STRBP: variants seen among roughly 807,000 people sequenced by gnomAD.
STRBP encodes spermatid perinuclear RNA-binding protein.
STRBP carries 13 observed loss-of-function variants against 80.1 expected under a neutral mutation model. That is an observed-to-expected ratio of 0.16 (90% CI 0.11 to 0.26). The LOEUF (loss-of-function observed/expected upper bound fraction) is 0.26, where lower values mean the gene tolerates loss of function less well. Ranked by LOEUF, STRBP falls within the 10% of genes least tolerant of loss-of-function variation. STRBP has a pLI of 1.00. For missense variants in STRBP, 485 were observed against 815.2 expected (o/e 0.59, Z 4.93); for synonymous variants, 284 against 291.2 (o/e 0.98, Z 0.25).
intron 2 of STRBP, among the ~76,000 whole-genome samples, chr9:123,185,831 G>A (rs1278610242): frequency 6.6e-6 from 1 of 152,032 alleles, no homozygotes; most frequent in African/African-American, 2.4e-5. Flanking sequence ...TGGCTAACAT[G>A]GTGAAACTAA....
At chr9:123,232,259 C>T (rs887467289) in intron 2 of STRBP, among the ~76,000 whole-genome samples, 8 of 152,168 alleles carry the variant, frequency 5.3e-5, no homozygotes, top group East Asian at 3.9e-4. Context: ...TGCAGTGAGC[C>T]GAAATCACAC....
At chr9:123,171,905 T>C (rs1372718656) in intron 5 of STRBP, among the ~76,000 whole-genome samples, 2 of 152,186 alleles carry the variant, frequency 1.3e-5, no homozygotes, top group Non-Finnish European at 2.9e-5. Context: ...GTAACCCCCT[T>C]GAATACTTGC....
intron 7 of STRBP, 113 bp from the exon 8 acceptor site, chr9:123,160,575 C>CA (rs11437080): frequency 0.99 from 547,096 of 553,702 alleles, 270,595 homozygotes; most frequent in East Asian, 1. Context: ...ATCAGGCAAA[C>CA]AAAAAAATCA....
chr9:123,171,372 G>C (rs1449447664), intron 5 of STRBP, among the ~76,000 whole-genome samples: 1 of 152,146 alleles, frequency 6.6e-6, no homozygotes, highest in East Asian at 1.9e-4. Flanking sequence ...TTAGATAACT[G>C]AAAGTTTTGC....
intron 2 of STRBP, among the ~76,000 whole-genome samples, chr9:123,200,734 A>ATTTCTTTTTTTTTTTTTTTTT: frequency 2.7e-5 from 1 of 37,512 alleles, no homozygotes; most frequent in Non-Finnish European, 4.2e-5. Flanking sequence ...CACCCCGCTA[A>ATTTCTTTTTTTTTTTTTTTTT]TTTTTTTTTT....
chr9:123,139,645 T>C lies in STRBP; in HGVS notation c.1381A>G (p.Ile461Val), dbSNP rs1304920547. The C allele has an allele frequency of 6.2e-6, 10 of 1,612,734 alleles. No homozygotes were observed. Among genetic ancestry groups the C allele is most frequent in the East Asian group, 2.2e-5 (1 of 44,796 alleles). ...MGYPTGFDAD[I>V]ECMSSDEKSD... is the part of the protein sequence containing the mutation. The stretch of plus-strand genomic sequence containing the variant: ...TTTTCATCGGAACTCATACATTCAA[T>C]ATCTGCATCAAAGCCTGTTGGATAT... Residue 461 changes from isoleucine to valine, a missense_variant, in exon 14 of 19, where the codon ATT becomes GTT. Physicochemically the swap from Ile to Val is conservative, Grantham distance 29 (BLOSUM62 3). Coordinates refer to ENST00000348403, the MANE Select transcript of STRBP (RefSeq NM_018387.5).
chr9:123,123,517 A>G lies in STRBP; in HGVS notation c.*2080T>C. On this transcript the variant is annotated 3_prime_UTR_variant, in exon 19 of 19. Transcript: ENST00000348403. ...GTTTACAACATGGTTAGTAACTTCC[A>G]ACAAACAACAAAATTAAAAAAAAAA... 6 of 940,602 alleles carry G rather than the reference A, an allele frequency of 6.4e-6. No homozygotes were observed. Among genetic ancestry groups the G allele is most frequent in the Non-Finnish European group, 7.4e-6 (6 of 814,246 alleles). 58.3% of individuals were successfully genotyped at this position (940,602 alleles called of 1,614,324 possible). A position where few individuals can be genotyped will look rare whatever the true frequency, so the allele number is the denominator to read the frequency against.
In STRBP at chr9:123,114,753, T is replaced by C. The variant is rs1048604448; in HGVS notation, c.*84+1176A>G. 1.5e-5 allele frequency: 3 copies of C among 203,852 alleles called. No homozygotes were observed. The South Asian group carries it at 3.6e-4, about 25-fold the overall frequency. The allele number at this position is 203,852 out of a possible 1,614,324, so 12.6% of individuals were successfully genotyped here. A position where few individuals can be genotyped will look rare whatever the true frequency, so the allele number is the denominator to read the frequency against. ...GTCAGAAACACCATTGTTCCCTCTA[T>C]TGCCCACTGAGCAGTGGTCCAGGAG... On this transcript the variant is annotated intron_variant and NMD_transcript_variant, in intron 3 of 3. Transcript: ENST00000471564.
rs1316814908 is a variant in STRBP at position 123,123,404 on chromosome 9, T to C, written c.*2193A>G. The C allele has an allele frequency of 7.1e-6, 7 of 985,264 alleles. No individual in the cohort carries two copies. In the East Asian group the frequency reaches 3.4e-4, roughly 48 times the overall value. The allele number at this position is 985,264 out of a possible 1,614,324, so 61.0% of individuals were successfully genotyped here. A position where few individuals can be genotyped will look rare whatever the true frequency, so the allele number is the denominator to read the frequency against. On this transcript the variant is annotated 3_prime_UTR_variant, in exon 19 of 19. Transcript: ENST00000348403. ...ATTACAGAATTTAAACAGTTGAACT[T>C]GCATGGTTACCACTTCTAACAAAGG...
chr9:123,185,729 G>C (rs184382000), intron 2 of STRBP, among the ~76,000 whole-genome samples: 47 of 152,236 alleles, frequency 3.1e-4, no homozygotes, highest in Non-Finnish European at 5.1e-4. Flanking sequence ...TGTGAATCCA[G>C]CAGCCAAAAA....
At chr9:123,119,116 G>A (rs2035690224), downstream of STRBP, among the ~76,000 whole-genome samples, 1 of 152,144 alleles carries the variant, frequency 6.6e-6, no homozygotes, top group Non-Finnish European at 1.5e-5. Flanking sequence ...AACTAGAAGA[G>A]ACAAGCTATA....
At chr9:123,187,110 T>C (rs1428870433) in intron 2 of STRBP, among the ~76,000 whole-genome samples, 1 of 152,028 alleles carries the variant, frequency 6.6e-6, no homozygotes, top group Non-Finnish European at 1.5e-5. Flanking sequence ...CTGTCTCCAA[T>C]TAACACATAA....
intron 6 of STRBP, among the ~76,000 whole-genome samples, chr9:123,169,422 C>T (rs2037914007): frequency 6.6e-6 from 1 of 152,078 alleles, no homozygotes; most frequent in African/African-American, 2.4e-5. Flanking sequence ...CCACACACCT[C>T]GGCCTCCCAA....
At chr9:123,263,524 C>CA (rs775297049) in intron 1 of STRBP, among the ~76,000 whole-genome samples, 24,417 of 63,574 alleles carry the variant, frequency 0.38, 5,079 homozygotes, top group East Asian at 0.68. Flanking sequence ...GACCCTGTCT[C>CA]AAAAAAAAAA....
chr9:123,128,816 G>A (rs1333344934), intron 17 of STRBP, among the ~76,000 whole-genome samples: 1 of 152,210 alleles, frequency 6.6e-6, no homozygotes, highest in Non-Finnish European at 1.5e-5. Flanking sequence ...GTGAGCCCAA[G>A]GGCAAGGTCT....
At chr9:123,114,703 C>T (rs1348100499) in intron 3 of STRBP, 1 of 182,294 alleles carries the variant, frequency 5.5e-6, no homozygotes, top group Admixed American at 6.0e-5. Context: ...TATCTTCCTC[C>T]ATTCCCCTGC....
intron 1 of STRBP, among the ~76,000 whole-genome samples, chr9:123,237,537 G>T (rs969678231): frequency 2.0e-5 from 3 of 151,878 alleles, no homozygotes; most frequent in Non-Finnish European, 4.4e-5. Flanking sequence ...ACTTGCTTAA[G>T]ACAAAATTTC....
intron 1 of STRBP, among the ~76,000 whole-genome samples, chr9:123,266,532 A>C (rs968082684): frequency 6.6e-6 from 1 of 151,126 alleles, no homozygotes. Flanking sequence ...TCTTCCTTAG[A>C]CTCTCAGTGA....
At chr9:123,223,927 G>A (rs1040746853) in intron 2 of STRBP, among the ~76,000 whole-genome samples, 1 of 152,144 alleles carries the variant, frequency 6.6e-6, no homozygotes, top group African/African-American at 2.4e-5. Flanking sequence ...AGAACCAAAG[G>A]TGCTAGAGTA....
Sources: gnomAD v4.1 joint callset for allele counts (sites outside exome capture counted in the v4.1 genomes callset) on GRCh38, gnomAD v4.1.1 for gene constraint, MANE v1.5 for transcripts, NCBI Gene and HGNC (gene_info 2026-07-23, HGNC 2026-07-21) for gene names.